The following TTC36 variants were observed in gnomAD, a reference collection of about 807,000 sequenced individuals.
TTC36 encodes tetratricopeptide repeat domain 36, also known as tetratricopeptide repeat protein 36.
TTC36 carries 15 observed loss-of-function variants against 17.5 expected under a neutral mutation model. That is an observed-to-expected ratio of 0.86 (90% CI 0.57 to 1.32). The LOEUF is 1.32. Ranked by LOEUF, TTC36 falls within the 40% of genes most tolerant of loss-of-function variation. TTC36 has a pLI of 0.00. For synonymous variants in TTC36, 112 were observed against 109.8 expected (o/e 1.02, Z -0.13); for missense variants, 292 against 260.9 (o/e 1.12, Z -0.82).
chr11:118,530,735 G>T lies in TTC36; in HGVS notation c.389G>T (p.Gly130Val). The T allele has an allele frequency of 6.7e-7, 1 of 1,497,764 alleles. No individual in the cohort carries two copies. Among genetic ancestry groups the T allele is most frequent in the Non-Finnish European group, 8.8e-7 (1 of 1,132,498 alleles). 92.8% of individuals were successfully genotyped at this position (1,497,764 alleles called of 1,614,324 possible). A position where few individuals can be genotyped will look rare whatever the true frequency, so the allele number is the denominator to read the frequency against. Residue 130 changes from glycine to valine, a missense_variant, in exon 3 of 3, where the codon GGA (glycine) becomes GTA (valine). Physicochemically the swap from Gly to Val is moderately radical, Grantham distance 109. Transcript: ENST00000302783. The surrounding 1 kb of genome is among the most constrained non-coding windows in gnomAD (Gnocchi z 5.8). ...GCCCGCCAGAGCTTTGTGCAGCGCG[G>T]ACTCCTGGCGCGGCTGCAGGGCCGA... ...RAARQSFVQRGLLARLQGRDD... is the reference protein window; with the variant it reads ...RAARQSFVQRVLLARLQGRDD...
rs1555056052 is a variant in TTC36, at chr11:118,527,563, T to G, written c.69T>G (p.Ile23Met). 1.2e-6 allele frequency: 2 copies of G among 1,614,098 alleles called. No homozygotes were observed. The highest frequency in any genetic ancestry group is 3.3e-5 in the Admixed American group (2 of 60,016). ...ACCCTGACACCCCATTTGGAGACAT[T>G]GTTGGATTGGACCTCGGAGAGGAAG... is the stretch of plus-strand genomic sequence containing the variant. ...IFNPDTPFGD[I>M]VGLDLGEEAE... is the part of the protein sequence containing the mutation. Residue 23 changes from isoleucine (I) to methionine (M), a missense_variant, in exon 1 of 3, where the codon ATT (isoleucine) becomes ATG (methionine). Transcript: ENST00000302783.
chr11:118,530,037 C>T lies in TTC36; in HGVS notation c.308-617C>T, dbSNP rs987273598. 1.5e-4 allele frequency among the ~76,000 whole-genome samples: 23 copies of T among 151,842 alleles called. No individual in the cohort carries two copies. Among genetic ancestry groups the T allele is most frequent in the African/African-American group, 5.1e-4 (21 of 41,278 alleles). ...GTGCAGGCCAGCTCTGGCTCCAGGA[C>T]CAAGGAAATTAGATACATGGAGATA... On this transcript the variant is annotated intron_variant, in intron 2 of 2. Transcript: ENST00000302783. The surrounding 1 kb of genome is among the most constrained non-coding windows in gnomAD (Gnocchi z 5.8).
rs1555056986 is a variant in TTC36, at chr11:118,530,083, A to C, written c.308-571A>C. 6.6e-6 allele frequency among the ~76,000 whole-genome samples: 1 copy of C among 152,250 alleles called. No individual in the cohort carries two copies. The highest frequency in any genetic ancestry group is 1.5e-5 in the Non-Finnish European group (1 of 68,038). On this transcript the variant is annotated intron_variant, in intron 2 of 2. Transcript: ENST00000302783. The surrounding 1 kb of genome is among the most constrained non-coding windows in gnomAD (Gnocchi z 5.8). ...AGATAACCAAAGAATGATGAAAGGCAATCAGTCCAGGATACAGGGGAGAGA... is the reference window on the plus strand; with the variant it reads ...AGATAACCAAAGAATGATGAAAGGCCATCAGTCCAGGATACAGGGGAGAGA...
rs1022226579 is a variant in TTC36, at chr11:118,530,664, G to A, written c.318G>A (p.Glu106=). 1 of 1,467,422 alleles carries A rather than the reference G, an allele frequency of 6.8e-7. No homozygotes were observed. Among genetic ancestry groups the A allele is most frequent in the Non-Finnish European group, 8.9e-7 (1 of 1,118,434 alleles). The allele number at this position is 1,467,422 out of a possible 1,614,324, so 90.9% of individuals were successfully genotyped here. The change falls in exon 3 of 3, where the codon GAG becomes GAA. Residue 106 remains glutamate (E), a synonymous_variant. Transcript: ENST00000302783. This position sits in a 1 kb window ranked among gnomAD's most constrained non-coding sequence, Gnocchi z 5.8. The part of the protein sequence containing the change: ...RLQGDVAGAL[E]DLERAVELSG... Reference sequence around the variant, plus strand: ...TCGTCGGTCCCGCAGGCGCCCTGGAGGATCTGGAACGCGCGGTGGAGCTGA... The same window carrying A: ...TCGTCGGTCCCGCAGGCGCCCTGGAAGATCTGGAACGCGCGGTGGAGCTGA...
chr11:118,527,509 T>C lies in TTC36; in HGVS notation c.15T>C (p.Asn5=), dbSNP rs1037681224. The change falls in exon 1 of 3, where the codon AAT becomes AAC. Residue 5 remains asparagine (N), a synonymous_variant. Transcript: ENST00000302783. ...AGTTGAGCACCATGGGGACTCCAAA[T>C]GATCAGGCAGTGCTGCAGGCCATCT... The part of the protein sequence containing the change: MGTP[N]DQAVLQAIFN... The C allele has an allele frequency of 6.4e-5, 103 of 1,613,964 alleles. No individual in the cohort carries two copies. Among genetic ancestry groups the C allele is most frequent in the Non-Finnish European group, 8.2e-5 (97 of 1,179,948 alleles).
At chr11:118,528,077 T>C in intron 1 of TTC36, 1 of 428,190 alleles carries the variant, frequency 2.3e-6, no homozygotes, top group Non-Finnish European at 4.7e-6. Flanking sequence ...TCACTGGCTT[T>C]TCCATTAATC....
rs781825721 is a variant in TTC36 at position 118,530,679 on chromosome 11, G to C, written c.333G>C (p.Ala111=). 2 of 1,473,944 alleles carry C rather than the reference G, an allele frequency of 1.4e-6. No homozygotes were observed. Among genetic ancestry groups the C allele is most frequent in the Admixed American group, 2.4e-5 (1 of 40,986 alleles). The allele number at this position is 1,473,944 out of a possible 1,614,324, so 91.3% of individuals were successfully genotyped here. Residue 111 remains alanine (A), a synonymous_variant, in exon 3 of 3, where the codon GCG becomes GCC. Transcript: ENST00000302783. This position sits in a 1 kb window ranked among gnomAD's most constrained non-coding sequence, Gnocchi z 5.8. The stretch of plus-strand genomic sequence containing the variant: ...GCGCCCTGGAGGATCTGGAACGCGC[G>C]GTGGAGCTGAGCGGCGGCCGGGGCC... The part of the protein sequence containing the change: ...VAGALEDLER[A]VELSGGRGRA...
At position 118,530,864 on chromosome 11, in the gene TTC36, G is replaced by T. The variant is rs1468367358; in HGVS notation, c.518G>T (p.Arg173Leu). ...AACCCCTACGCCGCGCTGTGCAACC[G>T]CATGCTGGCCGACATGATGGGGCAG... ...LLNPYAALCN[R>L]MLADMMGQLR... is the part of the protein sequence containing the mutation. Residue 173 changes from arginine to leucine, a missense_variant, in exon 3 of 3, where the codon CGC (arginine) becomes CTC (leucine). By Grantham distance (102) the Arg-to-Leu change is moderately radical. Transcript: ENST00000302783. The surrounding 1 kb of genome is among the most constrained non-coding windows in gnomAD (Gnocchi z 5.8). 1 of 1,509,566 alleles carries T rather than the reference G, an allele frequency of 6.6e-7. No individual in the cohort carries two copies. The highest frequency in any genetic ancestry group is 1.4e-5 in the African/African-American group (1 of 69,198). The allele number at this position is 1,509,566 out of a possible 1,614,324, so 93.5% of individuals were successfully genotyped here.
intron 1 of TTC36, chr11:118,527,826 TCAG>T: frequency 1.6e-6 from 1 of 636,418 alleles, no homozygotes; most frequent in Non-Finnish European, 2.9e-6. Flanking sequence ...TCTCGATCCA[TCAG>T]CTCTCATGCC....
In TTC36 at chr11:118,530,669, T is replaced by G; in HGVS notation, c.323T>G (p.Leu108Arg). 1 of 1,471,090 alleles carries G rather than the reference T, an allele frequency of 6.8e-7. No homozygotes were observed. The allele number at this position is 1,471,090 out of a possible 1,614,324, so 91.1% of individuals were successfully genotyped here. A position where few individuals can be genotyped will look rare whatever the true frequency, so the allele number is the denominator to read the frequency against. Residue 108 changes from leucine (L) to arginine (R), a missense_variant, in exon 3 of 3, where the codon CTG becomes CGG. Physicochemically the swap from Leu to Arg is moderately radical, Grantham distance 102. Coordinates refer to ENST00000302783, the MANE Select transcript of TTC36 (RefSeq NM_001080441.4). The surrounding 1 kb of genome is among the most constrained non-coding windows in gnomAD (Gnocchi z 5.8). ...GGTCCCGCAGGCGCCCTGGAGGATC[T>G]GGAACGCGCGGTGGAGCTGAGCGGC... is the stretch of plus-strand genomic sequence containing the variant. ...QGDVAGALED[L>R]ERAVELSGGR... is the part of the protein sequence containing the mutation.
Position 118,530,979 on chromosome 11 carries a change from G to A in TTC36, c.*63G>A. ...GACTGGGCCCTGAACCAATAAAGCC[G>A]TCGGGCCTCACCGACTCCGCCTGCT... On this transcript the variant is annotated 3_prime_UTR_variant, in exon 3 of 3. Coordinates refer to ENST00000302783, the MANE Select transcript of TTC36 (RefSeq NM_001080441.4). This position sits in a 1 kb window ranked among gnomAD's most constrained non-coding sequence, Gnocchi z 5.8. 1 of 1,421,386 alleles carries A rather than the reference G, an allele frequency of 7.0e-7. No individual in the cohort carries two copies. The highest frequency in any genetic ancestry group is 9.1e-7 in the Non-Finnish European group (1 of 1,099,200). 88.0% of individuals were successfully genotyped at this position (1,421,386 alleles called of 1,614,324 possible). A position where few individuals can be genotyped will look rare whatever the true frequency, so the allele number is the denominator to read the frequency against.
rs1193782591 is a variant in TTC36, at chr11:118,530,767, G to A, written c.421G>A (p.Asp141Asn). ...GGCGCGGCTGCAGGGCCGAGACGAC[G>A]ACGCCCGCAGGGACTTCGAGAGGGC... Reference protein sequence around the residue: ...LLARLQGRDDDARRDFERAAR... With the variant: ...LLARLQGRDDNARRDFERAAR... The change falls in exon 3 of 3, where the codon GAC becomes AAC. Residue 141 changes from aspartate to asparagine, a missense_variant. Asp to Asn is a conservative substitution (Grantham distance 23, BLOSUM62 1). Transcript: ENST00000302783. The surrounding 1 kb of genome is among the most constrained non-coding windows in gnomAD (Gnocchi z 5.8). The A allele has an allele frequency of 2.0e-6, 3 of 1,507,446 alleles. No homozygotes were observed. The highest frequency in any genetic ancestry group is 2.6e-6 in the Non-Finnish European group (3 of 1,137,432). The allele number at this position is 1,507,446 out of a possible 1,614,324, so 93.4% of individuals were successfully genotyped here.
chr11:118,529,391 G>A (rs1482857842), intron 2 of TTC36, among the ~76,000 whole-genome samples: 2 of 152,126 alleles, frequency 1.3e-5, no homozygotes, highest in Admixed American at 6.5e-5. Flanking sequence ...GTTCGAGAGG[G>A]GTCAGCGTGG....
Position 118,527,565 on chromosome 11 carries a change from T to C in TTC36, c.71T>C (p.Val24Ala). Residue 24 changes from valine (V) to alanine (A), a missense_variant, in exon 1 of 3, where the codon GTT (valine) becomes GCT (alanine). By Grantham distance (64) the Val-to-Ala change is moderately conservative. Coordinates refer to ENST00000302783, the MANE Select transcript of TTC36 (RefSeq NM_001080441.4). ...FNPDTPFGDI[V>A]GLDLGEEAEK... is the part of the protein sequence containing the mutation. ...CCTGACACCCCATTTGGAGACATTG[T>C]TGGATTGGACCTCGGAGAGGAAGCA... The C allele has an allele frequency of 6.2e-7, 1 of 1,614,114 alleles. No individual in the cohort carries two copies. Among genetic ancestry groups the C allele is most frequent in the Non-Finnish European group, 8.5e-7 (1 of 1,180,006 alleles).
Position 118,527,516 on chromosome 11 carries a change from G to A in TTC36, c.22G>A (p.Ala8Thr), listed in dbSNP as rs1431541316. The A allele has an allele frequency of 6.2e-7, 1 of 1,613,940 alleles. No individual in the cohort carries two copies. Among genetic ancestry groups the A allele is most frequent in the Non-Finnish European group, 8.5e-7 (1 of 1,179,946 alleles). ...CACCATGGGGACTCCAAATGATCAGGCAGTGCTGCAGGCCATCTTCAACCC... is the reference window on the plus strand; with the variant it reads ...CACCATGGGGACTCCAAATGATCAGACAGTGCTGCAGGCCATCTTCAACCC... The part of the protein sequence containing the change: MGTPNDQ[A>T]VLQAIFNPDT... Residue 8 changes from alanine (A) to threonine (T), a missense_variant, in exon 1 of 3, where the codon GCA (alanine) becomes ACA (threonine). Ala to Thr is a moderately conservative substitution (Grantham distance 58, BLOSUM62 0). Transcript: ENST00000302783.
Position 118,530,910 on chromosome 11 carries a change from C to T in TTC36, c.564C>T (p.Ser188=). The T allele has an allele frequency of 4.0e-6, 6 of 1,499,272 alleles. No individual in the cohort carries two copies. The highest frequency in any genetic ancestry group is 5.3e-6 in the Non-Finnish European group (6 of 1,131,950). 92.9% of individuals were successfully genotyped at this position (1,499,272 alleles called of 1,614,324 possible). A position where few individuals can be genotyped will look rare whatever the true frequency, so the allele number is the denominator to read the frequency against. Residue 188 remains serine, a synonymous_variant, in exon 3 of 3, where the codon AGC becomes AGT. Transcript: ENST00000302783. This position sits in a 1 kb window ranked among gnomAD's most constrained non-coding sequence, Gnocchi z 5.8. Reference sequence around the variant, plus strand: ...GGCAGCTGCGCCGCCCCCGTGACAGCCGCTGAGCGCCGCGGACCCGGGCGT... The same window carrying T: ...GGCAGCTGCGCCGCCCCCGTGACAGTCGCTGAGCGCCGCGGACCCGGGCGT... ...MMGQLRRPRD[S]R is the part of the protein sequence containing the mutation.
At position 118,530,136 on chromosome 11, in the gene TTC36, A is replaced by G. The variant is rs1387958337; in HGVS notation, c.308-518A>G. Reference sequence around the variant, plus strand: ...AGGTGTTCTAAAGAAAGCAATGGAAAAGAGAAAACGGCCCTCAAAAGGAAA... The same window carrying G: ...AGGTGTTCTAAAGAAAGCAATGGAAGAGAGAAAACGGCCCTCAAAAGGAAA... On this transcript the variant is annotated intron_variant, in intron 2 of 2. Transcript: ENST00000302783. This position sits in a 1 kb window ranked among gnomAD's most constrained non-coding sequence, Gnocchi z 5.8. 1.3e-5 allele frequency among the ~76,000 whole-genome samples: 2 copies of G among 152,252 alleles called. No homozygotes were observed. The highest frequency in any genetic ancestry group is 4.8e-5 in the African/African-American group (2 of 41,464).
At chr11:118,529,437 T>TG (rs1379046264) in intron 2 of TTC36, among the ~76,000 whole-genome samples, 4 of 152,012 alleles carry the variant, frequency 2.6e-5, no homozygotes, top group African/African-American at 9.7e-5. Context: ...GAAGGATGAG[T>TG]GGGAGTTAGT....
At position 118,530,891 on chromosome 11, in the gene TTC36, T is replaced by C; in HGVS notation, c.545T>C (p.Leu182Pro). 1 of 1,504,608 alleles carries C rather than the reference T, an allele frequency of 6.6e-7. No homozygotes were observed. Among genetic ancestry groups the C allele is most frequent in the Non-Finnish European group, 8.8e-7 (1 of 1,134,130 alleles). The allele number at this position is 1,504,608 out of a possible 1,614,324, so 93.2% of individuals were successfully genotyped here. Residue 182 changes from leucine (L) to proline (P), a missense_variant, in exon 3 of 3, where the codon CTG becomes CCG. Physicochemically the swap from Leu to Pro is moderately conservative, Grantham distance 98. Coordinates refer to ENST00000302783, the MANE Select transcript of TTC36 (RefSeq NM_001080441.4). This position sits in a 1 kb window ranked among gnomAD's most constrained non-coding sequence, Gnocchi z 5.8. Reference protein sequence around the residue: ...NRMLADMMGQLRRPRDSR With the variant: ...NRMLADMMGQPRRPRDSR ...ATGCTGGCCGACATGATGGGGCAGC[T>C]GCGCCGCCCCCGTGACAGCCGCTGA...
Sources: gnomAD v4.1 joint callset for allele counts (sites outside exome capture counted in the v4.1 genomes callset) on GRCh38, gnomAD v4.1.1 for gene constraint, Gnocchi (gnomAD v3.1) non-coding constraint, MANE v1.5 for transcripts, NCBI Gene and HGNC (gene_info 2026-07-23, HGNC 2026-07-21) for gene names.